Variants in MAPK9 observed in about 807,000 individuals in gnomAD.
MAPK9 encodes the protein mitogen-activated protein kinase 9.
Under a neutral mutation model 57.1 loss-of-function variants are expected in MAPK9, and 30 were observed. The ratio of observed to expected loss-of-function variants is 0.53; its 90% CI spans 0.39 to 0.71. The LOEUF (loss-of-function observed/expected upper bound fraction) is 0.71, where lower values mean the gene tolerates loss of function less well. Ranked by LOEUF, MAPK9 falls within the 30% of genes least tolerant of loss-of-function variation. The pLI, the probability that MAPK9 is intolerant of heterozygous loss-of-function variation, is 0.00. For synonymous variants in MAPK9, 155 were observed against 177.0 expected, an observed-to-expected ratio of 0.88 and a Z score of 0.99; for missense variants, 362 against 521.0, an observed-to-expected ratio of 0.69 and a Z score of 2.97.
intron 6 of MAPK9, among the ~76,000 whole-genome samples, 153 bp downstream of exon 6, chr5:180,248,816 CAATT>C (rs1249068159): frequency 2.0e-5 from 3 of 152,220 alleles, no homozygotes; most frequent in Non-Finnish European, 4.4e-5. Context: ...TGGAAAAACA[CAATT>C]AATTATTTCT....
intron 7 of MAPK9, chr5:180,246,255 T>C (rs2127580305): frequency 1.3e-5 from 2 of 152,310 alleles, no homozygotes; most frequent in South Asian, 4.1e-4. Context: ...AAGACGTCCT[T>C]ATTTATAGGT....
intron 6 of MAPK9, among the ~76,000 whole-genome samples, chr5:180,248,539 T>A (rs1363043174): frequency 6.6e-6 from 1 of 152,246 alleles, no homozygotes; most frequent in African/African-American, 2.4e-5. Flanking sequence ...TGTGTTATTC[T>A]ATTTACATCA....
chr5:180,276,458 A>C lies in MAPK9; in HGVS notation c.122+3982T>G, dbSNP rs183852016. Among the ~76,000 whole-genome samples, 242 of 152,390 alleles carry C rather than the reference A, an allele frequency of 1.6e-3. 2 individuals carry two copies. The highest frequency in any genetic ancestry group is 5.7e-3 in the African/African-American group (235 of 41,590). The stretch of plus-strand genomic sequence containing the variant: ...AAGAAAAACTGAATATATGTATGAA[A>C]GAAATGTACATACATTTTCTCCACT... On this transcript the variant is annotated intron_variant, in intron 2 of 11. Coordinates refer to ENST00000452135, the MANE Select transcript of MAPK9 (RefSeq NM_002752.5).
intron 9 of MAPK9, among the ~76,000 whole-genome samples, chr5:180,240,741 C>T (rs1757575851): frequency 6.6e-6 from 1 of 152,222 alleles, no homozygotes; most frequent in Non-Finnish European, 1.5e-5. Flanking sequence ...GTAACCAAAG[C>T]CAATGGCACA....
chr5:180,247,303 C>A lies in MAPK9; in HGVS notation c.688+136G>T. On this transcript the variant is annotated intron_variant, in intron 7 of 11. Transcript: ENST00000452135. The surrounding 1 kb of genome is among the most constrained non-coding windows in gnomAD (Gnocchi z 4.5). ...GGCTTGTGACACTAATTAACAAATA[C>A]AGTAAAGCCCCCCTTAGAACACAGT... 1 of 872,230 alleles carries A rather than the reference C, an allele frequency of 1.1e-6. No individual in the cohort carries two copies. Among genetic ancestry groups the A allele is most frequent in the South Asian group, 1.6e-5 (1 of 62,162 alleles). The allele number at this position is 872,230 out of a possible 1,614,324, so 54.0% of individuals were successfully genotyped here.
intron 2 of MAPK9, chr5:180,279,899 G>A (rs1425312151): frequency 2.2e-6 from 1 of 456,492 alleles, no homozygotes; most frequent in Non-Finnish European, 4.4e-6. Flanking sequence ...TGGACACACA[G>A]TTGAAGTGAG....
intron 2 of MAPK9, among the ~76,000 whole-genome samples, chr5:180,279,560 C>G (rs1209592629): frequency 6.6e-6 from 1 of 152,162 alleles, no homozygotes; most frequent in African/African-American, 2.4e-5. Flanking sequence ...GTAAACTACC[C>G]TACTAGAGCA....
At chr5:180,240,053 G>T (rs1757521066) in intron 9 of MAPK9, 66 bp from the exon 10 acceptor site, 1 of 1,253,174 alleles carries the variant, frequency 8.0e-7, no homozygotes, top group Non-Finnish European at 1.2e-6. Flanking sequence ...ACTAAAAAAG[G>T]TAAAATTGCT....
At position 180,282,864 on chromosome 5, in the gene MAPK9, TC is replaced by T. The variant is rs780708623; in HGVS notation, c.-47-2257del. ...AGGAGGAGGCCCTGCACACCAAGGG[TC>T]CTAAACCCAGTAGGGTGAAGAAGAT... On this transcript the variant is annotated intron_variant, in intron 1 of 11. Coordinates refer to ENST00000452135, the MANE Select transcript of MAPK9 (RefSeq NM_002752.5). Among the ~76,000 whole-genome samples, 144 of 151,914 alleles carry T rather than the reference TC, an allele frequency of 9.5e-4. 1 individual carries two copies. The highest frequency in any genetic ancestry group is 1.4e-3 in the East Asian group (7 of 5,156).
At chr5:180,253,233 A>G (rs11249687) in intron 5 of MAPK9, among the ~76,000 whole-genome samples, 138,900 of 152,270 alleles carry the variant, frequency 0.91, 63,446 homozygotes, top group Non-Finnish European at 0.93. Flanking sequence ...GGACTGCACT[A>G]CGTTCAGCTA....
intron 3 of MAPK9, among the ~76,000 whole-genome samples, chr5:180,265,231 A>G (rs1463607595): frequency 6.6e-6 from 1 of 152,238 alleles, no homozygotes; most frequent in African/African-American, 2.4e-5. Context: ...TTGGTGTGAT[A>G]AAGTGAAAGG....
intron 1 of MAPK9, among the ~76,000 whole-genome samples, chr5:180,291,027 G>C (rs540631519): frequency 1.8e-4 from 27 of 152,326 alleles, no homozygotes; most frequent in Non-Finnish European, 3.5e-4. Flanking sequence ...GGTGGTCGAG[G>C]AGGGCCTCAC....
At chr5:180,277,904 G>A (rs1191101796) in intron 2 of MAPK9, among the ~76,000 whole-genome samples, 1 of 152,104 alleles carries the variant, frequency 6.6e-6, no homozygotes, top group Non-Finnish European at 1.5e-5. Flanking sequence ...AAAAGGAAGC[G>A]AAAATCACTT....
chr5:180,260,212 A>G (rs995452815), intron 5 of MAPK9, among the ~76,000 whole-genome samples: 5 of 152,198 alleles, frequency 3.3e-5, no homozygotes. Flanking sequence ...AACCCTATAA[A>G]TGTAAAGAAC....
chr5:180,250,029 C>T lies in MAPK9; in HGVS notation c.451-891G>A, dbSNP rs73340755. 7.9e-3 allele frequency among the ~76,000 whole-genome samples: 1,210 copies of T among 152,246 alleles called. 22 individuals carry two copies. The highest frequency in any genetic ancestry group is 0.056 in the South Asian group (269 of 4,824). On this transcript the variant is annotated intron_variant, in intron 5 of 11. Coordinates refer to ENST00000452135, the MANE Select transcript of MAPK9 (RefSeq NM_002752.5). Reference sequence around the variant, plus strand: ...TCCATGATCATCCACCTCCAATCTTCTCACCTTCGCCACAAAGACACGCCA... The same window carrying T: ...TCCATGATCATCCACCTCCAATCTTTTCACCTTCGCCACAAAGACACGCCA...
intron 5 of MAPK9, chr5:180,257,795 A>C (rs1167018777): frequency 5.9e-6 from 1 of 169,712 alleles, no homozygotes; most frequent in Non-Finnish European, 1.3e-5. Context: ...CATTGTGGAG[A>C]AATATTCGGC....
chr5:180,289,955 A>G (rs1263745396), intron 1 of MAPK9, among the ~76,000 whole-genome samples: 2 of 152,144 alleles, frequency 1.3e-5, no homozygotes, highest in Non-Finnish European at 2.9e-5. Flanking sequence ...TCCTGGGCTC[A>G]TGGGATCCTT....
intron 10 of MAPK9, among the ~76,000 whole-genome samples, 184 bp from the exon 11 acceptor site, chr5:180,238,587 A>ATCTTT (rs1311628850): frequency 2.1e-5 from 3 of 144,856 alleles, no homozygotes; most frequent in South Asian, 4.5e-4. Context: ...GATACATTAT[A>ATCTTT]TCTTTTCTTT....
intron 7 of MAPK9, chr5:180,246,597 T>C (rs1399975044): frequency 1.3e-5 from 2 of 152,098 alleles, no homozygotes; most frequent in Non-Finnish European, 2.9e-5. Context: ...AGTCAAAGAC[T>C]AATGAAAAAC....
Sources: allele counts gnomAD v4.1 joint callset (sites outside exome capture counted in the v4.1 genomes callset), GRCh38; gene constraint gnomAD v4.1.1; non-coding constraint Gnocchi (gnomAD v3.1); transcripts MANE v1.5; gene names NCBI Gene and HGNC (gene_info 2026-07-23, HGNC 2026-07-21).